The following PDE1A variants were observed in gnomAD, a reference collection of about 807,000 sequenced individuals.
PDE1A encodes the protein phosphodiesterase 1A, also known as dual specificity calcium/calmodulin-dependent 3',5'-cyclic nucleotide phosphodiesterase 1A.
In PDE1A, 35 loss-of-function variants were observed where a neutral mutation model predicts 61.7. The ratio of observed to expected loss-of-function variants is 0.57; its 90% CI spans 0.43 to 0.75. The LOEUF (loss-of-function observed/expected upper bound fraction) is 0.75. PDE1A is among the 30% of genes least tolerant of loss of function. The pLI is 0.00. For synonymous variants in PDE1A, 232 were observed against 213.2 expected (o/e 1.09, Z -0.77); for missense variants, 597 against 630.6 (o/e 0.95, Z 0.57).
rs73041876 is a variant in PDE1A, at chr2:182,182,839, C to A, written c.1516+3053G>T. Reference sequence around the variant, plus strand: ...TCTCCATCATTCTCTTTCTAACCTCCATTGTGTATTTATTTAAATTATTTC... The same window carrying A: ...TCTCCATCATTCTCTTTCTAACCTCAATTGTGTATTTATTTAAATTATTTC... On this transcript the variant is annotated intron_variant, in intron 13 of 13. Transcript: ENST00000351439. Among the ~76,000 whole-genome samples the A allele has an allele frequency of 7.2e-3, 1,102 of 152,080 alleles. 11 individuals are homozygous for A. The highest frequency in any genetic ancestry group is 0.024 in the African/African-American group (1,008 of 41,478).
At chr2:182,353,259 T>A (rs1238474576) in intron 1 of PDE1A, among the ~76,000 whole-genome samples, 1 of 152,208 alleles carries the variant, frequency 6.6e-6, no homozygotes. Flanking sequence ...GGCAGCAGCT[T>A]TATTGCTTTT....
rs185190315 is a variant in PDE1A, at chr2:182,468,736, T to C, written c.101+53540A>G. Among the ~76,000 whole-genome samples, 160 of 152,124 alleles carry C rather than the reference T, an allele frequency of 1.1e-3. 4 individuals carry two copies. In the East Asian group the frequency reaches 0.029, roughly 28 times the overall value. Reference sequence around the variant, plus strand: ...ACTATCTGTGGCAACTATAGCCTCATGAAATGTATTTCTTAAATAATAAGA... The same window carrying C: ...ACTATCTGTGGCAACTATAGCCTCACGAAATGTATTTCTTAAATAATAAGA... On this transcript the variant is annotated intron_variant, in intron 2 of 14. Transcript: ENST00000410103.
At chr2:182,362,856 A>G (rs1354205627) in intron 1 of PDE1A, among the ~76,000 whole-genome samples, 2 of 152,140 alleles carry the variant, frequency 1.3e-5, no homozygotes, top group East Asian at 3.8e-4. Context: ...AAAATGTGAT[A>G]CATATACACC....
chr2:182,533,419 C>T, the PDE1A span, among the ~76,000 whole-genome samples: 1 of 152,056 alleles, frequency 6.6e-6, no homozygotes, highest in African/African-American at 2.4e-5. Flanking sequence ...ATTATCAATT[C>T]CCATTTGATA....
At chr2:182,519,406 G>A (rs919210477) in intron 2 of PDE1A, among the ~76,000 whole-genome samples, 3 of 151,938 alleles carry the variant, frequency 2.0e-5, no homozygotes, top group Non-Finnish European at 4.4e-5. Flanking sequence ...CAAATTAGTG[G>A]TTGAATATGG....
intron 2 of PDE1A, among the ~76,000 whole-genome samples, chr2:182,252,938 T>C (rs1043992268): frequency 3.9e-5 from 6 of 152,178 alleles, no homozygotes; most frequent in African/African-American, 1.4e-4. Context: ...TAGTAAAGAA[T>C]GTACAAACAT....
At chr2:182,447,743 T>C (rs1175652827) in intron 2 of PDE1A, among the ~76,000 whole-genome samples, 1 of 152,116 alleles carries the variant, frequency 6.6e-6, no homozygotes, top group Non-Finnish European at 1.5e-5. Context: ...TAGTTTCTTA[T>C]GTCCATGACA....
intron 1 of PDE1A, among the ~76,000 whole-genome samples, chr2:182,322,449 A>T (rs1031942363): frequency 1.3e-5 from 2 of 152,160 alleles, no homozygotes; most frequent in African/African-American, 4.8e-5. Context: ...TGGTTTTATA[A>T]AGGGCAGTTC....
chr2:182,714,297 C>T, the PDE1A span, among the ~76,000 whole-genome samples: 1 of 152,290 alleles, frequency 6.6e-6, no homozygotes, highest in African/African-American at 2.4e-5. Flanking sequence ...CCTTGGTCCA[C>T]AACTTTACTT....
chr2:182,469,468 G>C (rs144817005), intron 2 of PDE1A, among the ~76,000 whole-genome samples: 1 of 152,022 alleles, frequency 6.6e-6, no homozygotes, highest in African/African-American at 2.4e-5. Flanking sequence ...TTAGGGCCTT[G>C]CTCCGAATTA....
chr2:182,509,374 G>A lies in PDE1A; in HGVS notation c.101+12902C>T, dbSNP rs560232375. 2.0e-5 allele frequency among the ~76,000 whole-genome samples: 3 copies of A among 152,268 alleles called. No individual in the cohort carries two copies. In the South Asian group the frequency reaches 6.2e-4, roughly 32 times the overall value. ...ATACGCCACATGATAACTCCATTTG[G>A]TATTCAGCTTTGAGTACGCAAAACT... On this transcript the variant is annotated intron_variant, in intron 2 of 14. Transcript: ENST00000410103.
chr2:182,247,049 C>A (rs1691025748), intron 2 of PDE1A, among the ~76,000 whole-genome samples: 1 of 152,110 alleles, frequency 6.6e-6, no homozygotes, highest in South Asian at 2.1e-4. Context: ...TTGATATAAT[C>A]AAATTTATTG....
the PDE1A span, among the ~76,000 whole-genome samples, chr2:182,683,050 A>G: frequency 1.6e-4 from 24 of 151,902 alleles, no homozygotes; most frequent in Admixed American, 8.5e-4. Context: ...ATTGCATTGG[A>G]ATATATGAAT....
At chr2:182,192,122 G>C (rs907338294) in intron 10 of PDE1A, among the ~76,000 whole-genome samples, 3 of 152,096 alleles carry the variant, frequency 2.0e-5, no homozygotes, top group African/African-American at 4.8e-5. Context: ...CTCCCAGAGT[G>C]CTAGGATTAC....
intron 13 of PDE1A, among the ~76,000 whole-genome samples, chr2:182,153,712 G>C (rs1202631837): frequency 6.6e-6 from 1 of 152,148 alleles, no homozygotes; most frequent in Non-Finnish European, 1.5e-5. Context: ...CTCTTGTAAA[G>C]AGTAGCAGGA....
the PDE1A span, among the ~76,000 whole-genome samples, chr2:182,686,311 G>T: frequency 1.3e-5 from 2 of 151,634 alleles, no homozygotes; most frequent in Non-Finnish European, 2.9e-5. Context: ...ACCTTGAAAT[G>T]CAAAAAAGTA....
At chr2:182,487,964 G>A (rs997957523) in intron 2 of PDE1A, among the ~76,000 whole-genome samples, 1 of 152,150 alleles carries the variant, frequency 6.6e-6, no homozygotes, top group African/African-American at 2.4e-5. Context: ...ATTATTCAAT[G>A]CATGTGTCAA....
At chr2:182,296,863 G>T (rs1368435198) in intron 1 of PDE1A, among the ~76,000 whole-genome samples, 1 of 152,138 alleles carries the variant, frequency 6.6e-6, no homozygotes, top group Non-Finnish European at 1.5e-5. Context: ...GAACAAAAAG[G>T]TGGAAAAAGA....
intron 13 of PDE1A, among the ~76,000 whole-genome samples, chr2:182,181,975 T>A (rs980578570): frequency 6.6e-6 from 1 of 152,190 alleles, no homozygotes; most frequent in Non-Finnish European, 1.5e-5. Context: ...TTTATACTGT[T>A]CCATAATATG....
Sources: gnomAD v4.1 joint callset for allele counts (sites outside exome capture counted in the v4.1 genomes callset) on GRCh38, gnomAD v4.1.1 for gene constraint, MANE v1.5 for transcripts, NCBI Gene and HGNC (gene_info 2026-07-23, HGNC 2026-07-21) for gene names.